The following SHC3 variants were observed in gnomAD, a reference collection of about 807,000 sequenced individuals.
SHC3 encodes SHC-transforming protein 3.
In SHC3, 15 loss-of-function variants were observed where a neutral mutation model predicts 60.4. That is an observed-to-expected ratio of 0.25 (90% CI 0.17 to 0.38). SHC3 has a LOEUF of 0.38. Among genes scored for constraint, SHC3 ranks in the 10% least tolerant of loss-of-function variants. The pLI is 1.00. For synonymous variants in SHC3, 294 were observed against 325.9 expected (o/e 0.90, Z 1.05); for missense variants, 677 against 786.1 (o/e 0.86, Z 1.66).
At chr9:89,029,749 A>G (rs1824450673) in intron 11 of SHC3, among the ~76,000 whole-genome samples, 1 of 152,206 alleles carries the variant, frequency 6.6e-6, no homozygotes, top group Admixed American at 6.5e-5. Flanking sequence ...TGTGAGGAAA[A>G]CATAGCTGTC....
chr9:89,088,505 TTACA>T (rs1397584378), intron 2 of SHC3: 10 of 152,220 alleles, frequency 6.6e-5, no homozygotes, highest in African/African-American at 2.4e-4. Context: ...TTCAAATGTT[TTACA>T]GAGTTTGACT....
At chr9:89,172,273 A>G (rs1010604198) in intron 1 of SHC3, among the ~76,000 whole-genome samples, 3 of 152,200 alleles carry the variant, frequency 2.0e-5, no homozygotes, top group African/African-American at 4.8e-5. Flanking sequence ...GTGGCCACTC[A>G]GGGAAAATTC....
chr9:89,168,129 T>A (rs969726995), intron 1 of SHC3, among the ~76,000 whole-genome samples: 1 of 152,210 alleles, frequency 6.6e-6, no homozygotes, highest in Admixed American at 6.5e-5. Context: ...CTAGCATCCA[T>A]CTATAGTAAA....
At chr9:89,128,146 A>G (rs567512687) in intron 1 of SHC3, among the ~76,000 whole-genome samples, 86 of 152,292 alleles carry the variant, frequency 5.6e-4, no homozygotes, top group Non-Finnish European at 1.0e-3. Flanking sequence ...AAAAAGAAAA[A>G]ATATAATGCC....
intron 1 of SHC3, among the ~76,000 whole-genome samples, chr9:89,146,378 CAAAAA>C: frequency 7.3e-6 from 1 of 137,430 alleles, no homozygotes; most frequent in African/African-American, 2.8e-5. Context: ...CAAAACAAAA[CAAAAA>C]AAAACCTGAC....
intron 10 of SHC3, among the ~76,000 whole-genome samples, chr9:89,040,398 T>A (rs1346724250): frequency 3.3e-5 from 5 of 151,896 alleles, no homozygotes; most frequent in African/African-American, 1.2e-4. Context: ...TTTCTAAGGC[T>A]CTTTTCACAT....
At chr9:89,156,343 G>A (rs551510278) in intron 1 of SHC3, among the ~76,000 whole-genome samples, 1 of 152,196 alleles carries the variant, frequency 6.6e-6, no homozygotes, top group South Asian at 2.1e-4. Flanking sequence ...GACGATTACA[G>A]TCCCAGTTGA....
At chr9:89,073,790 T>A (rs1243008917) in intron 4 of SHC3, among the ~76,000 whole-genome samples, 1 of 152,084 alleles carries the variant, frequency 6.6e-6, no homozygotes, top group East Asian at 1.9e-4. Context: ...ATTTAAGAAG[T>A]CTGAGGACCA....
At chr9:89,152,131 T>C (rs1368582932) in intron 1 of SHC3, among the ~76,000 whole-genome samples, 1 of 152,122 alleles carries the variant, frequency 6.6e-6, no homozygotes, top group Non-Finnish European at 1.5e-5. Flanking sequence ...CTCTGGAAAA[T>C]TAGAGTTAAA....
intron 1 of SHC3, among the ~76,000 whole-genome samples, chr9:89,142,030 T>C (rs1385702012): frequency 6.6e-6 from 1 of 152,144 alleles, no homozygotes; most frequent in Non-Finnish European, 1.5e-5. Context: ...AAGCTCCCCA[T>C]GTCCCTTCAT....
intron 1 of SHC3, among the ~76,000 whole-genome samples, chr9:89,148,180 G>A (rs975698820): frequency 1.3e-5 from 2 of 152,094 alleles, no homozygotes; most frequent in African/African-American, 4.8e-5. Context: ...TAATGAACTT[G>A]AACATTGTCT....
intron 1 of SHC3, among the ~76,000 whole-genome samples, chr9:89,158,566 C>T (rs924125660): frequency 1.3e-5 from 2 of 152,134 alleles, no homozygotes; most frequent in South Asian, 2.1e-4. Flanking sequence ...TTTTGTCCAT[C>T]CTTGCGATTT....
rs1165447634 is a variant in SHC3, at chr9:89,075,144, C to A, written c.694G>T (p.Ala232Ser). ...GMSISLTIST[A>S]SLNLRTPDSK... ...TCCGGAGTTCGCAGGTTCAGACTGGCCGTGGAGATGGTCAGAGAGATGCTC... is the reference window on the plus strand; with the variant it reads ...TCCGGAGTTCGCAGGTTCAGACTGGACGTGGAGATGGTCAGAGAGATGCTC... The change falls in exon 4 of 12, where the codon GCC becomes TCC. Residue 232 changes from alanine to serine, a missense_variant. Physicochemically the swap from Ala to Ser is moderately conservative, Grantham distance 99. Transcript: ENST00000375835. 2 of 1,614,042 alleles carry A rather than the reference C, an allele frequency of 1.2e-6. No individual in the cohort carries two copies. Among genetic ancestry groups the A allele is most frequent in the South Asian group, 1.1e-5 (1 of 91,064 alleles).
intron 11 of SHC3, among the ~76,000 whole-genome samples, chr9:89,021,188 C>T (rs754535803): frequency 2.0e-5 from 3 of 152,198 alleles, no homozygotes; most frequent in African/African-American, 4.8e-5. Context: ...ACTATCATCA[C>T]TGCCAATTCT....
chr9:89,144,102 T>C (rs1009398417), intron 1 of SHC3, among the ~76,000 whole-genome samples: 6 of 152,186 alleles, frequency 3.9e-5, no homozygotes, highest in African/African-American at 1.4e-4. Flanking sequence ...TCCATGAACC[T>C]GAGAAATGGT....
intron 1 of SHC3, among the ~76,000 whole-genome samples, chr9:89,135,135 A>C (rs1260542444): frequency 6.6e-6 from 1 of 152,144 alleles, no homozygotes; most frequent in Non-Finnish European, 1.5e-5. Context: ...GGAAACAATT[A>C]GAGAAACTGG....
intron 1 of SHC3, among the ~76,000 whole-genome samples, chr9:89,155,085 C>T (rs187631631): frequency 2.6e-5 from 4 of 152,252 alleles, no homozygotes; most frequent in Non-Finnish European, 5.9e-5. Context: ...CGACACCCCA[C>T]AAAAAAGACT....
chr9:89,109,573 T>C lies in SHC3; in HGVS notation c.545+2983A>G, dbSNP rs1384028099. On this transcript the variant is annotated intron_variant, in intron 2 of 11. Coordinates refer to ENST00000375835, the MANE Select transcript of SHC3 (RefSeq NM_016848.6). The stretch of plus-strand genomic sequence containing the variant: ...TTGCCAAGCCTTCCAAGTGAACTCT[T>C]AGAAGAGAAGAGAGGGTGGACGCAG... 9.1e-6 allele frequency: 9 copies of C among 985,404 alleles called. No individual in the cohort carries two copies. The South Asian group carries it at 3.8e-4, about 41-fold the overall frequency. 61.0% of individuals were successfully genotyped at this position (985,404 alleles called of 1,614,324 possible). A position where few individuals can be genotyped will look rare whatever the true frequency, so the allele number is the denominator to read the frequency against.
At chr9:89,099,423 T>C (rs1431197862) in intron 2 of SHC3, among the ~76,000 whole-genome samples, 1 of 152,204 alleles carries the variant, frequency 6.6e-6, no homozygotes, top group Non-Finnish European at 1.5e-5. Context: ...TGCTTTTCTA[T>C]GGAATATCAT....
Sources: allele counts gnomAD v4.1 joint callset (sites outside exome capture counted in the v4.1 genomes callset), GRCh38; gene constraint gnomAD v4.1.1; transcripts MANE v1.5; gene names NCBI Gene and HGNC (gene_info 2026-07-23, HGNC 2026-07-21).